Variants in RAB6B observed in about 807,000 individuals in gnomAD.
The protein encoded by RAB6B is ras-related protein Rab-6B.
Under a neutral mutation model 31.2 loss-of-function variants are expected in RAB6B, and 7 were observed. That is an observed-to-expected ratio of 0.22 (90% CI 0.13 to 0.42). The LOEUF (loss-of-function observed/expected upper bound fraction) is 0.42. RAB6B is among the 10% of genes least tolerant of loss of function. RAB6B has a pLI of 1.00. For synonymous variants in RAB6B, 105 were observed against 104.9 expected, an observed-to-expected ratio of 1.00 and a Z score of -0.01; for missense variants, 149 against 280.6, an observed-to-expected ratio of 0.53 and a Z score of 3.35.
chr3:133,833,143 C>T (rs1935679546), intron 7 of RAB6B, among the ~76,000 whole-genome samples: 1 of 152,176 alleles, frequency 6.6e-6, no homozygotes, highest in Admixed American at 6.5e-5. Flanking sequence ...TATGTTTGCC[C>T]TTCAGGTTGG....
chr3:133,856,562 T>C (rs998628743), intron 2 of RAB6B, among the ~76,000 whole-genome samples: 1 of 152,154 alleles, frequency 6.6e-6, no homozygotes, highest in Non-Finnish European at 1.5e-5. Flanking sequence ...CAAATTTAGC[T>C]TTTACAGTCT....
chr3:133,842,660 T>C (rs1935852753), intron 2 of RAB6B, among the ~76,000 whole-genome samples: 1 of 152,202 alleles, frequency 6.6e-6, no homozygotes, highest in Non-Finnish European at 1.5e-5. Context: ...TTATAAAACA[T>C]CATGTGGCGA....
chr3:133,836,508 T>C (rs1935737120), intron 6 of RAB6B, among the ~76,000 whole-genome samples: 1 of 152,068 alleles, frequency 6.6e-6, no homozygotes, highest in Non-Finnish European at 1.5e-5. Flanking sequence ...CCACACAGGG[T>C]TCGAAACTGA....
chr3:133,839,237 C>T (rs551951615), intron 5 of RAB6B, among the ~76,000 whole-genome samples: 16 of 152,370 alleles, frequency 1.1e-4, no homozygotes, highest in African/African-American at 3.8e-4. Flanking sequence ...ACTGCTGGGT[C>T]AAGCCAGGTG....
At chr3:133,874,575 A>G (rs1424108542) in intron 1 of RAB6B, among the ~76,000 whole-genome samples, 1 of 152,254 alleles carries the variant, frequency 6.6e-6, no homozygotes, top group Non-Finnish European at 1.5e-5. Context: ...CTATGACATT[A>G]CACTACAATA....
intron 2 of RAB6B, among the ~76,000 whole-genome samples, chr3:133,861,097 G>A (rs1035541892): frequency 3.3e-5 from 5 of 152,188 alleles, no homozygotes; most frequent in South Asian, 2.1e-4. Context: ...TCACACAGGC[G>A]GCTCACAGAC....
chr3:133,862,395 C>T (rs1215966299), intron 2 of RAB6B, among the ~76,000 whole-genome samples: 2 of 152,208 alleles, frequency 1.3e-5, no homozygotes, highest in Non-Finnish European at 2.9e-5. Context: ...AGCTCAGAGC[C>T]AGATGCACAC....
At chr3:133,865,320 C>A (rs1936222299) in intron 1 of RAB6B, among the ~76,000 whole-genome samples, 1 of 152,218 alleles carries the variant, frequency 6.6e-6, no homozygotes, top group African/African-American at 2.4e-5. Flanking sequence ...GGCAGTGACA[C>A]CCCAACTGAG....
intron 1 of RAB6B, among the ~76,000 whole-genome samples, chr3:133,881,086 G>T (rs1176849905): frequency 2.0e-5 from 3 of 152,144 alleles, no homozygotes; most frequent in African/African-American, 7.2e-5. Context: ...CAGGCTGGGG[G>T]GTGGATCAAG....
At chr3:133,846,691 A>T (rs894083983) in intron 2 of RAB6B, among the ~76,000 whole-genome samples, 1 of 152,222 alleles carries the variant, frequency 6.6e-6, no homozygotes, top group African/African-American at 2.4e-5. Flanking sequence ...CAGCCAGAAA[A>T]CAGAACAACA....
rs1215635692 is a variant in RAB6B, at chr3:133,895,536, G to C, written c.-70C>G. 2 of 1,530,858 alleles carry C rather than the reference G, an allele frequency of 1.3e-6. No individual in the cohort carries two copies. The highest frequency in any genetic ancestry group is 2.7e-5 in the African/African-American group (2 of 72,780). 94.8% of individuals were successfully genotyped at this position (1,530,858 alleles called of 1,614,324 possible). ...AAGGAGCAGGGAGGGGAGAGTAGGA[G>C]GGCGAGGGGAGGCGGCCGGCGGTGC... On this transcript the variant is annotated 5_prime_UTR_variant, in exon 1 of 8. Transcript: ENST00000285208.
At chr3:133,857,462 G>A (rs1259602698) in intron 2 of RAB6B, among the ~76,000 whole-genome samples, 3 of 151,262 alleles carry the variant, frequency 2.0e-5, no homozygotes, top group Non-Finnish European at 4.4e-5. Flanking sequence ...CTGAGGCATA[G>A]GGGACATTCT....
At chr3:133,860,898 G>T (rs1333893690) in intron 2 of RAB6B, among the ~76,000 whole-genome samples, 1 of 152,248 alleles carries the variant, frequency 6.6e-6, no homozygotes, top group Non-Finnish European at 1.5e-5. Context: ...CACAATCACT[G>T]CTGAGGCTTT....
chr3:133,836,726 A>G (rs1301081461), intron 6 of RAB6B, among the ~76,000 whole-genome samples: 1 of 152,010 alleles, frequency 6.6e-6, no homozygotes, highest in Non-Finnish European at 1.5e-5. Flanking sequence ...GCATGCCCCC[A>G]GGGAGCAGGA....
At chr3:133,843,751 G>A (rs1472730758) in intron 2 of RAB6B, among the ~76,000 whole-genome samples, 4 of 152,196 alleles carry the variant, frequency 2.6e-5, no homozygotes, top group Admixed American at 1.3e-4. Context: ...TGAACGTGAT[G>A]TAGGCATCTT....
At chr3:133,857,424 GGGA>G in intron 2 of RAB6B, among the ~76,000 whole-genome samples, 1 of 93,320 alleles carries the variant, frequency 1.1e-5, no homozygotes, top group South Asian at 3.7e-4. Context: ...TCTTTTTGAA[GGGA>G]AAAAAAAAAA....
chr3:133,854,337 AAATT>A (rs2107998062), intron 2 of RAB6B, among the ~76,000 whole-genome samples: 2 of 152,364 alleles, frequency 1.3e-5, no homozygotes, highest in East Asian at 3.9e-4. Context: ...GGTACAAAGC[AAATT>A]ATTTTTGCTG....
chr3:133,888,855 G>C lies in RAB6B; in HGVS notation c.70+6542C>G, dbSNP rs1183305390. Among the ~76,000 whole-genome samples, 5 of 152,222 alleles carry C rather than the reference G, an allele frequency of 3.3e-5. No individual in the cohort carries two copies. In the East Asian group the frequency reaches 9.7e-4, roughly 29 times the overall value. ...ACTGGACTGGCATTCCAAGTTCCCA[G>C]GGGCTTCCAGTCCCCAGGCCCTGCT... On this transcript the variant is annotated intron_variant, in intron 1 of 7. Transcript: ENST00000285208.
intron 1 of RAB6B, among the ~76,000 whole-genome samples, chr3:133,890,316 A>G (rs1936620038): frequency 1.3e-5 from 2 of 152,140 alleles, no homozygotes; most frequent in Admixed American, 1.3e-4. Context: ...CCAAGGTTAC[A>G]TGATCCAGCT....
Sources: gnomAD v4.1 joint callset for allele counts (sites outside exome capture counted in the v4.1 genomes callset) on GRCh38, gnomAD v4.1.1 for gene constraint, MANE v1.5 for transcripts, NCBI Gene and HGNC (gene_info 2026-07-23, HGNC 2026-07-21) for gene names.